ZFC3H1: variants seen among roughly 807,000 people sequenced by gnomAD.
ZFC3H1 encodes zinc finger C3H1 domain-containing protein.
In ZFC3H1, 71 loss-of-function variants were observed where a neutral mutation model predicts 243.7. The observed-to-expected ratio is 0.29, with a 90% CI of 0.24 to 0.36. The LOEUF (loss-of-function observed/expected upper bound fraction) is 0.36, where lower values mean the gene tolerates loss of function less well. Among genes scored for constraint, ZFC3H1 ranks in the 10% least tolerant of loss-of-function variants. The pLI is 1.00. For missense variants in ZFC3H1, 1,966 were observed against 2,317.1 expected (o/e 0.85, Z 3.11); for synonymous variants, 838 against 813.0 (o/e 1.03, Z -0.52).
intron 12 of ZFC3H1, 48 bp from the exon 13 acceptor site, chr12:71,633,486 A>C (rs776050057): frequency 2.1e-6 from 3 of 1,439,904 alleles, no homozygotes; most frequent in Non-Finnish European, 2.8e-6. Flanking sequence ...CTACAAGAGC[A>C]GACTGTCAGA....
intron 22 of ZFC3H1, among the ~76,000 whole-genome samples, chr12:71,625,100 T>C (rs1880129615): frequency 6.6e-6 from 1 of 152,308 alleles, no homozygotes; most frequent in Middle Eastern, 3.4e-3. Context: ...AGCATTCACT[T>C]AGGTACAATG....
intron 2 of ZFC3H1, among the ~76,000 whole-genome samples, chr12:71,655,183 T>C (rs938433843): frequency 4.6e-5 from 7 of 152,172 alleles, no homozygotes; most frequent in Admixed American, 4.6e-4. Context: ...AGTCTCCAAG[T>C]ATTTCAAAAG....
At chr12:71,641,050 T>G (rs17110073) in intron 6 of ZFC3H1, among the ~76,000 whole-genome samples, 8,850 of 152,234 alleles carry the variant, frequency 0.058, 361 homozygotes, top group South Asian at 0.087. Flanking sequence ...ATATCCGCAG[T>G]TAACGTGGCA....
chr12:71,637,074 A>G lies in ZFC3H1; in HGVS notation c.1726-15T>C. The G allele has an allele frequency of 6.3e-7, 1 of 1,597,192 alleles. No homozygotes were observed. Among genetic ancestry groups the G allele is most frequent in the East Asian group, 2.2e-5 (1 of 44,786 alleles). ...GGTGGCAGAGACTATTTTTTAAAAA[A>G]AGAAAGAATTACAACGCAAATTTTA... On this transcript the variant is annotated splice_polypyrimidine_tract_variant and intron_variant, in intron 7 of 34. Transcript: ENST00000378743.
rs1412474728 is a variant in ZFC3H1, at chr12:71,623,673, A to G, written c.4507-76T>C. The G allele has an allele frequency of 7.0e-6, 7 of 1,002,868 alleles. No homozygotes were observed. In the Admixed American group the frequency reaches 1.3e-4, roughly 19 times the overall value. 62.1% of individuals were successfully genotyped at this position (1,002,868 alleles called of 1,614,324 possible). A position where few individuals can be genotyped will look rare whatever the true frequency, so the allele number is the denominator to read the frequency against. ...AGATTAACATAATTTTTACTATGCT[A>G]AAGTTTATGAAATAATAAAAAGGTC... On this transcript the variant is annotated intron_variant, in intron 23 of 34. Transcript: ENST00000378743.
chr12:71,646,555 T>C (rs1276749869), intron 3 of ZFC3H1, among the ~76,000 whole-genome samples: 1 of 152,262 alleles, frequency 6.6e-6, no homozygotes, highest in Non-Finnish European at 1.5e-5. Flanking sequence ...GTACAGAGTT[T>C]AACTAAAATA....
Position 71,614,817 on chromosome 12 carries a change from A to T in ZFC3H1, c.5360+17T>A. 1 of 1,609,636 alleles carries T rather than the reference A, an allele frequency of 6.2e-7. No individual in the cohort carries two copies. The highest frequency in any genetic ancestry group is 1.3e-5 in the African/African-American group (1 of 74,888). On this transcript the variant is annotated intron_variant, in intron 29 of 34. Coordinates refer to ENST00000378743, the MANE Select transcript of ZFC3H1 (RefSeq NM_144982.5). ...TTATCCCCAAATCTCATTCTTATCA[A>T]GAAAACCTAAACTTACTCCATCCAT...
chr12:71,628,787 A>G (rs1880236521), intron 20 of ZFC3H1, 131 bp downstream of exon 20: 1 of 867,844 alleles, frequency 1.2e-6, no homozygotes, highest in Non-Finnish European at 1.7e-6. Context: ...TAAAAACCCA[A>G]TGGCATCGTT....
Position 71,663,713 on chromosome 12 carries a change from C to T in ZFC3H1, c.-103G>A. 3 of 1,374,494 alleles carry T rather than the reference C, an allele frequency of 2.2e-6. No individual in the cohort carries two copies. The highest frequency in any genetic ancestry group is 3.0e-6 in the Non-Finnish European group (3 of 1,009,350). 85.1% of individuals were successfully genotyped at this position (1,374,494 alleles called of 1,614,324 possible). On this transcript the variant is annotated 5_prime_UTR_variant, in exon 1 of 35. Transcript: ENST00000378743. The stretch of plus-strand genomic sequence containing the variant: ...TCCTAACGGACTGGGTCGGTGCGGT[C>T]TTACCCTACTCGGACACCAAGCGGC...
intron 2 of ZFC3H1, chr12:71,656,458 T>A (rs1418337794): frequency 1.6e-6 from 1 of 618,886 alleles, no homozygotes; most frequent in Non-Finnish European, 2.8e-6. Flanking sequence ...TAGATGCTCA[T>A]CCCAATAATG....
intron 20 of ZFC3H1, among the ~76,000 whole-genome samples, chr12:71,628,347 A>G (rs980441085): frequency 9.2e-5 from 14 of 152,378 alleles, no homozygotes; most frequent in African/African-American, 3.4e-4. Flanking sequence ...AACTAGAAAA[A>G]CAGTGTTACG....
At chr12:71,616,047 T>C (rs1592583127) in intron 27 of ZFC3H1, among the ~76,000 whole-genome samples, 1 of 152,114 alleles carries the variant, frequency 6.6e-6, no homozygotes, top group South Asian at 2.1e-4. Context: ...CCCAGCACTT[T>C]GGGAGGCTGA....
At chr12:71,631,072 T>C (rs1207455303) in intron 16 of ZFC3H1, 118 bp from the exon 17 acceptor site, 2 of 1,037,908 alleles carry the variant, frequency 1.9e-6, no homozygotes, top group Middle Eastern at 2.4e-4. Flanking sequence ...TTATGAGCTA[T>C]TTATCTAATT....
In ZFC3H1 at chr12:71,615,586, A is replaced by C. The variant is rs182346306; in HGVS notation, c.5145-270T>G. Among the ~76,000 whole-genome samples the C allele has an allele frequency of 2.0e-4, 31 of 152,160 alleles. No individual in the cohort carries two copies. The East Asian group carries it at 5.6e-3, about 28-fold the overall frequency. ...GGCTGGAGTGCAGTGGCATGATCTC[A>C]GCTCATTGCAACCTCCACCTCCCAG... On this transcript the variant is annotated intron_variant, in intron 27 of 34. Coordinates refer to ENST00000378743, the MANE Select transcript of ZFC3H1 (RefSeq NM_144982.5).
chr12:71,661,305 T>C (rs1331069475), intron 1 of ZFC3H1, among the ~76,000 whole-genome samples: 1 of 151,282 alleles, frequency 6.6e-6, no homozygotes, highest in African/African-American at 2.4e-5. Flanking sequence ...GTCTCAAAAA[T>C]AAATAAATAA....
At chr12:71,654,827 C>T (rs1254870912) in intron 2 of ZFC3H1, among the ~76,000 whole-genome samples, 1 of 151,900 alleles carries the variant, frequency 6.6e-6, no homozygotes, top group South Asian at 2.1e-4. Context: ...AAGTAATATC[C>T]GAGACATGAG....
intron 30 of ZFC3H1, among the ~76,000 whole-genome samples, chr12:71,614,171 A>C (rs1309499521): frequency 6.6e-6 from 1 of 152,110 alleles, no homozygotes; most frequent in African/African-American, 2.4e-5. Flanking sequence ...GAAGTTACTA[A>C]ATTTTTCATT....
At position 71,619,424 on chromosome 12, in the gene ZFC3H1, G is replaced by A; in HGVS notation, c.5050-15C>T. On this transcript the variant is annotated splice_polypyrimidine_tract_variant and intron_variant, in intron 26 of 34. Coordinates refer to ENST00000378743, the MANE Select transcript of ZFC3H1 (RefSeq NM_144982.5). Reference sequence around the variant, plus strand: ...TCGCCTCGATTCTATTTTAAAAAGAGGGAGGGGGATATATATCAGGCTTAC... The same window carrying A: ...TCGCCTCGATTCTATTTTAAAAAGAAGGAGGGGGATATATATCAGGCTTAC... The A allele has an allele frequency of 6.2e-7, 1 of 1,608,036 alleles. No individual in the cohort carries two copies. Among genetic ancestry groups the A allele is most frequent in the Non-Finnish European group, 8.5e-7 (1 of 1,175,168 alleles).
Position 71,610,772 on chromosome 12 carries a change from T to A in ZFC3H1, c.5770-15A>T. ...AAACGGTGGACCTGTAAGATAGATA[T>A]ACACACAATTCCATCAGAAAATATA... On this transcript the variant is annotated splice_polypyrimidine_tract_variant and intron_variant, in intron 33 of 34. Transcript: ENST00000378743. 6.2e-7 allele frequency: 1 copy of A among 1,608,200 alleles called. No homozygotes were observed. The highest frequency in any genetic ancestry group is 8.5e-7 in the Non-Finnish European group (1 of 1,176,912).
Sources: gnomAD v4.1 joint callset for allele counts (sites outside exome capture counted in the v4.1 genomes callset) on GRCh38, gnomAD v4.1.1 for gene constraint, MANE v1.5 for transcripts, NCBI Gene and HGNC (gene_info 2026-07-23, HGNC 2026-07-21) for gene names.